ASTN2: variants seen among roughly 807,000 people sequenced by gnomAD.
The protein encoded by ASTN2 is astrotactin-2.
A neutral mutation model predicts 139.8 loss-of-function variants in ASTN2; 54 were observed. That is an observed-to-expected ratio of 0.39 (90% CI 0.31 to 0.48). The LOEUF is 0.48. Ranked by LOEUF, ASTN2 falls within the 20% of genes least tolerant of loss-of-function variation. The pLI, the probability that ASTN2 is intolerant of heterozygous loss-of-function variation, is 0.95. For missense variants in ASTN2, 1,565 were observed against 1,725.1 expected (o/e 0.91, Z 1.64); for synonymous variants, 756 against 719.5 (o/e 1.05, Z -0.81).
chr9:117,202,949 T>C (rs1413201274), intron 3 of ASTN2, among the ~76,000 whole-genome samples: 1 of 152,176 alleles, frequency 6.6e-6, no homozygotes, highest in African/African-American at 2.4e-5. Flanking sequence ...CTTTCCATTT[T>C]TCCTGTCTCC....
At chr9:117,024,492 G>T (rs1048691670) in intron 6 of ASTN2, among the ~76,000 whole-genome samples, 23 of 152,050 alleles carry the variant, frequency 1.5e-4, no homozygotes, top group African/African-American at 5.1e-4. Context: ...GTTGAATACC[G>T]TGACAAAAGG....
chr9:117,301,081 C>T (rs1411602350), intron 1 of ASTN2, among the ~76,000 whole-genome samples: 3 of 152,118 alleles, frequency 2.0e-5, no homozygotes, highest in Non-Finnish European at 4.4e-5. Context: ...AAAAGCATAT[C>T]GTTTCAGATT....
chr9:116,658,158 C>G (rs964686199), intron 16 of ASTN2, among the ~76,000 whole-genome samples: 1 of 152,062 alleles, frequency 6.6e-6, no homozygotes, highest in Non-Finnish European at 1.5e-5. Flanking sequence ...CTTCAGCACC[C>G]TAGCCAGCTC....
At chr9:117,150,989 C>T (rs1830315011) in intron 3 of ASTN2, among the ~76,000 whole-genome samples, 1 of 152,038 alleles carries the variant, frequency 6.6e-6, no homozygotes, top group South Asian at 2.1e-4. Context: ...GTGTGAGCCA[C>T]CACACCTAGT....
At chr9:116,437,148 G>A in intron 22 of ASTN2, 1 of 347,044 alleles carries the variant, frequency 2.9e-6, no homozygotes, top group South Asian at 2.4e-5. Context: ...CATGGCACAT[G>A]TAACTAACCT....
intron 3 of ASTN2, among the ~76,000 whole-genome samples, chr9:117,152,663 C>T (rs969237413): frequency 3.9e-5 from 6 of 152,200 alleles, no homozygotes; most frequent in East Asian, 1.9e-4. Flanking sequence ...TAAACTGTTA[C>T]ATGCCAGAAA....
chr9:116,688,971 A>G (rs1290352833), intron 16 of ASTN2, among the ~76,000 whole-genome samples: 1 of 152,132 alleles, frequency 6.6e-6, no homozygotes, highest in Non-Finnish European at 1.5e-5. Context: ...TTTGTCTCCT[A>G]GGAGACATTA....
rs984887868 is a variant in ASTN2 at position 117,076,931 on chromosome 9, T to C, written c.1276+19113A>G. On this transcript the variant is annotated intron_variant, in intron 5 of 22. Coordinates refer to ENST00000313400, the MANE Select transcript of ASTN2 (RefSeq NM_001365068.1). Reference sequence around the variant, plus strand: ...TCCAGCCTTACTGGGTAATTGAGTGTTTGAGAGTGAAAAATTATCTCAGCA... The same window carrying C: ...TCCAGCCTTACTGGGTAATTGAGTGCTTGAGAGTGAAAAATTATCTCAGCA... 4.6e-5 allele frequency among the ~76,000 whole-genome samples: 7 copies of C among 152,188 alleles called. No homozygotes were observed. In the East Asian group the frequency reaches 1.4e-3, roughly 30 times the overall value.
At chr9:116,553,385 C>G (rs1852443882) in intron 19 of ASTN2, among the ~76,000 whole-genome samples, 4 of 152,208 alleles carry the variant, frequency 2.6e-5, no homozygotes, top group Admixed American at 2.6e-4. Flanking sequence ...CCAGTGGTCA[C>G]TGCTTGTTTT....
intron 19 of ASTN2, among the ~76,000 whole-genome samples, chr9:116,594,092 G>C (rs1043483417): frequency 6.6e-6 from 1 of 152,162 alleles, no homozygotes; most frequent in African/African-American, 2.4e-5. Context: ...GTATAGCCTA[G>C]AAGTTTAAGA....
chr9:116,869,548 C>A (rs1301651622), intron 10 of ASTN2, among the ~76,000 whole-genome samples: 1 of 152,156 alleles, frequency 6.6e-6, no homozygotes, highest in Non-Finnish European at 1.5e-5. Context: ...TGAAGTCACT[C>A]TCCATATTAT....
chr9:116,885,255 G>A (rs1158801822), intron 10 of ASTN2, among the ~76,000 whole-genome samples: 1 of 152,050 alleles, frequency 6.6e-6, no homozygotes, highest in Non-Finnish European at 1.5e-5. Context: ...AATTACTCAA[G>A]GTGATGGATA....
intron 13 of ASTN2, among the ~76,000 whole-genome samples, chr9:116,755,601 C>A (rs1398378831): frequency 6.6e-6 from 1 of 152,222 alleles, no homozygotes; most frequent in Non-Finnish European, 1.5e-5. Flanking sequence ...AAATAAATTT[C>A]TTTTGCTTAA....
chr9:117,274,882 A>G (rs1361099942), intron 2 of ASTN2, among the ~76,000 whole-genome samples: 2 of 152,236 alleles, frequency 1.3e-5, no homozygotes, highest in African/African-American at 2.4e-5. Flanking sequence ...TTACCTCCTT[A>G]AAGGCCATAT....
intron 19 of ASTN2, among the ~76,000 whole-genome samples, chr9:116,603,762 GGTGAGTGAAGAGA>G (rs1855036714): frequency 6.6e-6 from 1 of 152,156 alleles, no homozygotes; most frequent in Admixed American, 6.5e-5. Flanking sequence ...AGGAGATTCT[GGTGAGTGAAGAGA>G]GAAATACAGA....
In ASTN2 at chr9:116,917,683, G is replaced by A. The variant is rs73655521; in HGVS notation, c.1890-53950C>T. On this transcript the variant is annotated intron_variant, in intron 10 of 22. Transcript: ENST00000313400. ...ACATTAATGACTTATAAATACTGCA[G>A]AGGAGAAAAAGTTGGAATGGAAAGG... Among the ~76,000 whole-genome samples the A allele has an allele frequency of 1.5e-3, 222 of 152,286 alleles. 2 individuals are homozygous for A. Among genetic ancestry groups the A allele is most frequent in the African/African-American group, 5.1e-3 (213 of 41,552 alleles).
intron 1 of ASTN2, among the ~76,000 whole-genome samples, chr9:117,365,000 A>AC (rs1564167766): frequency 0.015 from 1,487 of 96,260 alleles, 35 homozygotes; most frequent in East Asian, 0.067. Context: ...CACACACACA[A>AC]AATCAGCCAT....
At chr9:116,604,924 T>C (rs1244379709) in intron 19 of ASTN2, among the ~76,000 whole-genome samples, 1 of 152,032 alleles carries the variant, frequency 6.6e-6, no homozygotes, top group African/African-American at 2.4e-5. Context: ...CCTCTGGACA[T>C]TCTCCTTTAC....
chr9:117,152,992 T>C (rs1161063445), intron 3 of ASTN2, among the ~76,000 whole-genome samples: 1 of 152,158 alleles, frequency 6.6e-6, no homozygotes, highest in Non-Finnish European at 1.5e-5. Flanking sequence ...TGGAAGTATC[T>C]GCCTCATTTT....
Sources: allele counts gnomAD v4.1 joint callset (sites outside exome capture counted in the v4.1 genomes callset), GRCh38; gene constraint gnomAD v4.1.1; transcripts MANE v1.5; gene names NCBI Gene and HGNC (gene_info 2026-07-23, HGNC 2026-07-21).